Variants in RSU1 observed in about 807,000 individuals in gnomAD.
The protein encoded by RSU1 is Ras suppressor protein 1.
RSU1 carries 26 observed loss-of-function variants against 31.1 expected under a neutral mutation model. That is an observed-to-expected ratio of 0.84 (90% CI 0.61 to 1.16). The LOEUF (loss-of-function observed/expected upper bound fraction) is 1.16. RSU1 is among the 50% of genes most tolerant of loss of function. RSU1 has a pLI of 0.00. For missense variants in RSU1, 320 were observed against 339.1 expected, an observed-to-expected ratio of 0.94 and a Z score of 0.44; for synonymous variants, 164 against 136.3, an observed-to-expected ratio of 1.20 and a Z score of -1.41.
chr10:16,650,027 G>A (rs1391509647), intron 8 of RSU1, among the ~76,000 whole-genome samples: 1 of 152,158 alleles, frequency 6.6e-6, no homozygotes, highest in Non-Finnish European at 1.5e-5. Context: ...AAACACAGTT[G>A]TAGAGCGCTT....
chr10:16,755,100 T>C, intron 4 of RSU1, 111 bp from the exon 5 acceptor site: 1 of 606,678 alleles, frequency 1.6e-6, no homozygotes, highest in Non-Finnish European at 3.0e-6. Context: ...GCCATGATCC[T>C]AGAGTCACTT....
intron 7 of RSU1, among the ~76,000 whole-genome samples, chr10:16,709,144 C>G (rs143483008): frequency 0.014 from 2,094 of 151,998 alleles, 50 homozygotes; most frequent in African/African-American, 0.048. Context: ...ATCCCTCCCC[C>G]CTTCCCCCAC....
chr10:16,652,225 T>C (rs1834696927), intron 8 of RSU1, among the ~76,000 whole-genome samples: 1 of 151,780 alleles, frequency 6.6e-6, no homozygotes, highest in Non-Finnish European at 1.5e-5. Context: ...AGGAAGATAA[T>C]AAACAAAACA....
chr10:16,651,473 T>C (rs1834683250), intron 8 of RSU1, among the ~76,000 whole-genome samples: 1 of 152,222 alleles, frequency 6.6e-6, no homozygotes, highest in Admixed American at 6.5e-5. Flanking sequence ...TTCCCTGCTA[T>C]TTTTATTTTC....
intron 8 of RSU1, among the ~76,000 whole-genome samples, chr10:16,672,046 C>T (rs893076894): frequency 6.6e-6 from 1 of 151,204 alleles, no homozygotes; most frequent in Middle Eastern, 3.2e-3. Flanking sequence ...TGCCTGTAAT[C>T]CCAGCACTTT....
chr10:16,716,679 T>C (rs1490749645), intron 7 of RSU1, among the ~76,000 whole-genome samples: 1 of 152,088 alleles, frequency 6.6e-6, no homozygotes, highest in African/African-American at 2.4e-5. Context: ...AAATACACTA[T>C]TGATAACATT....
chr10:16,694,916 G>C (rs141509681), intron 8 of RSU1, 107 bp downstream of exon 8: 21 of 1,049,082 alleles, frequency 2.0e-5, no homozygotes, highest in Admixed American at 4.6e-5. Context: ...AAAATGCTAA[G>C]TGCTAACTGC....
At chr10:16,772,640 T>TGAAAAAAAAAAAAAAAAAAAAAAA in intron 3 of RSU1, among the ~76,000 whole-genome samples, 1 of 42,566 alleles carries the variant, frequency 2.3e-5, no homozygotes, top group Middle Eastern at 0.016. Flanking sequence ...GAGTAGAATA[T>TGAAAAAAAAAAAAAAAAAAAAAAA]GAAAAAAAAA....
intron 8 of RSU1, among the ~76,000 whole-genome samples, chr10:16,682,828 C>T (rs986031248): frequency 6.6e-6 from 1 of 152,066 alleles, no homozygotes; most frequent in East Asian, 1.9e-4. Flanking sequence ...AGGATCCACA[C>T]CTACTGGAGG....
At chr10:16,764,838 A>C (rs983826144) in intron 3 of RSU1, among the ~76,000 whole-genome samples, 1 of 152,108 alleles carries the variant, frequency 6.6e-6, no homozygotes, top group African/African-American at 2.4e-5. Context: ...AATATTAAGA[A>C]GCATATATAC....
intron 8 of RSU1, among the ~76,000 whole-genome samples, chr10:16,644,739 T>C (rs955681074): frequency 2.0e-5 from 3 of 152,186 alleles, no homozygotes; most frequent in African/African-American, 7.2e-5. Flanking sequence ...GCAATATTCA[T>C]AGCAGGAGGA....
intron 8 of RSU1, among the ~76,000 whole-genome samples, chr10:16,625,055 C>A (rs45467795): frequency 7.2e-5 from 11 of 152,234 alleles, no homozygotes; most frequent in African/African-American, 2.4e-4. Flanking sequence ...CTTTTCTCTG[C>A]CCTGCCAGAT....
rs184106900 is a variant in RSU1, at chr10:16,591,315, T to C, written c.*2079A>G. On this transcript the variant is annotated 3_prime_UTR_variant, in exon 9 of 9. Coordinates refer to ENST00000345264, the MANE Select transcript of RSU1 (RefSeq NM_012425.4). ...GGATCAGGCTTTTCTCTGTTTTTCTTGTGTATGCAATGCTATAAGGACAAT... is the reference window on the plus strand; with the variant it reads ...GGATCAGGCTTTTCTCTGTTTTTCTCGTGTATGCAATGCTATAAGGACAAT... 2.0e-5 allele frequency: 3 copies of C among 152,306 alleles called. No homozygotes were observed. The highest frequency in any genetic ancestry group is 6.5e-5 in the Admixed American group (1 of 15,284). 9.4% of individuals were successfully genotyped at this position (152,306 alleles called of 1,614,324 possible).
At chr10:16,642,649 T>C (rs886977369) in intron 8 of RSU1, among the ~76,000 whole-genome samples, 1 of 152,212 alleles carries the variant, frequency 6.6e-6, no homozygotes, top group African/African-American at 2.4e-5. Flanking sequence ...CATTCTCTTC[T>C]AGTCATACAG....
chr10:16,796,109 C>G (rs932686065), intron 2 of RSU1, among the ~76,000 whole-genome samples: 1 of 152,150 alleles, frequency 6.6e-6, no homozygotes, highest in Non-Finnish European at 1.5e-5. Flanking sequence ...TCAACAGTCA[C>G]TAAATATTAG....
rs369999952 is a variant in RSU1 at position 16,647,446 on chromosome 10, C to T, written c.731+47577G>A. On this transcript the variant is annotated intron_variant, in intron 8 of 8. Coordinates refer to ENST00000345264, the MANE Select transcript of RSU1 (RefSeq NM_012425.4). ...ACGTATGTCCATGCAAAAACTTGTA[C>T]GGAAATGTTCACAGAAGCATTACTC... Among the ~76,000 whole-genome samples the T allele has an allele frequency of 8.5e-5, 13 of 152,228 alleles. No individual in the cohort carries two copies. In the South Asian group the frequency reaches 1.0e-3, roughly 12 times the overall value.
chr10:16,788,592 T>TA (rs1191124170), intron 2 of RSU1, among the ~76,000 whole-genome samples: 1 of 152,166 alleles, frequency 6.6e-6, no homozygotes, highest in Non-Finnish European at 1.5e-5. Context: ...AAACCACGAA[T>TA]AAAAAACTTC....
intron 8 of RSU1, among the ~76,000 whole-genome samples, chr10:16,628,255 A>G (rs1312855965): frequency 6.6e-6 from 1 of 152,246 alleles, no homozygotes; most frequent in Non-Finnish European, 1.5e-5. Context: ...CATTCTTGCA[A>G]CACTTTGATT....
rs1833516705 is a variant in RSU1 at position 16,592,137 on chromosome 10, G to A, written c.*1257C>T. On this transcript the variant is annotated 3_prime_UTR_variant, in exon 9 of 9. Coordinates refer to ENST00000345264, the MANE Select transcript of RSU1 (RefSeq NM_012425.4). ...TCAACTGGGAAGCCGAAAGGATACAGCAGAGATTTTATATGCCCCAGTGGG... is the reference window on the plus strand; with the variant it reads ...TCAACTGGGAAGCCGAAAGGATACAACAGAGATTTTATATGCCCCAGTGGG... The A allele has an allele frequency of 6.7e-6, 1 of 149,554 alleles. No individual in the cohort carries two copies. The highest frequency in any genetic ancestry group is 6.6e-5 in the Admixed American group (1 of 15,144). 9.3% of individuals were successfully genotyped at this position (149,554 alleles called of 1,614,324 possible). A position where few individuals can be genotyped will look rare whatever the true frequency, so the allele number is the denominator to read the frequency against.
Sources: gnomAD v4.1 joint callset for allele counts (sites outside exome capture counted in the v4.1 genomes callset) on GRCh38, gnomAD v4.1.1 for gene constraint, MANE v1.5 for transcripts, NCBI Gene and HGNC (gene_info 2026-07-23, HGNC 2026-07-21) for gene names.